Variants in RNF128 observed in about 807,000 individuals in gnomAD.
The protein encoded by RNF128 is ring finger protein 128, also known as E3 ubiquitin-protein ligase RNF128.
RNF128 carries 13 observed loss-of-function variants against 26.2 expected under a neutral mutation model. The ratio of observed to expected loss-of-function variants is 0.50; its 90% confidence interval spans 0.32 to 0.79. The LOEUF (loss-of-function observed/expected upper bound fraction) is 0.79. RNF128 is among the 30% of genes least tolerant of loss of function. The pLI is 0.03. For synonymous variants in RNF128, 149 were observed against 142.5 expected (o/e 1.05, Z -0.32); for missense variants, 315 against 349.7 (o/e 0.90, Z 0.79).
At chrX:106,775,861 C>T (rs750780462) in intron 2 of RNF128, among the ~76,000 whole-genome samples, 1 of 111,512 alleles carries the variant, frequency 9.0e-6, no homozygotes, top group Admixed American at 9.5e-5. Flanking sequence ...GAATTTCTTC[C>T]TTCTGAAGGT....
In RNF128 at chrX:106,751,557, C is replaced by T. The variant is rs186213366; in HGVS notation, c.485-21356C>T. Among the ~76,000 whole-genome samples the T allele has an allele frequency of 1.6e-3, 180 of 110,565 alleles. 2 individuals are homozygous for T. The highest frequency in any genetic ancestry group is 0.01 in the South Asian group (26 of 2,524). On this transcript the variant is annotated intron_variant, in intron 1 of 6. Coordinates refer to ENST00000255499, the MANE Select transcript of RNF128 (RefSeq NM_194463.2). ...GCTGGGCTCAGAACCAGAGGACTTG[C>T]GGTGCATATGGCCAAGAAAGCGTTT... is the stretch of plus-strand genomic sequence containing the variant.
At chrX:106,701,527 G>A (rs961070807) in intron 1 of RNF128, among the ~76,000 whole-genome samples, 1 of 111,642 alleles carries the variant, frequency 9.0e-6, no homozygotes, top group Non-Finnish European at 1.9e-5. Context: ...TAGCTTGGGA[G>A]AAATAATAAG....
At chrX:106,759,777 G>T (rs1312308542) in intron 1 of RNF128, among the ~76,000 whole-genome samples, 2 of 111,745 alleles carry the variant, frequency 1.8e-5, no homozygotes, top group African/African-American at 3.2e-5. Flanking sequence ...GTTACCAGAG[G>T]CTGGGAAGGG....
chrX:106,787,318 A>G (rs1450755261), intron 3 of RNF128, among the ~76,000 whole-genome samples: 1 of 111,650 alleles, frequency 9.0e-6, no homozygotes, highest in Non-Finnish European at 1.9e-5. Context: ...TCTCAAATGC[A>G]TTATACTAAG....
At chrX:106,734,179 C>G (rs1014380563) in intron 1 of RNF128, among the ~76,000 whole-genome samples, 1 of 111,462 alleles carries the variant, frequency 9.0e-6, no homozygotes, top group Non-Finnish European at 1.9e-5. Context: ...GATTGAGCCT[C>G]TCTTTCTTTA....
chrX:106,766,176 A>G (rs1390254215), intron 1 of RNF128, among the ~76,000 whole-genome samples: 1 of 111,921 alleles, frequency 8.9e-6, no homozygotes, highest in Non-Finnish European at 1.9e-5. Flanking sequence ...AAATAAACAT[A>G]CGTGTGCATG....
chrX:106,765,061 C>A (rs1303108448), intron 1 of RNF128, among the ~76,000 whole-genome samples: 1 of 111,559 alleles, frequency 9.0e-6, no homozygotes, highest in Non-Finnish European at 1.9e-5. Context: ...ATTTCAGACT[C>A]CTTCACTCCC....
chrX:106,772,899 G>A lies in RNF128; in HGVS notation c.485-14G>A, dbSNP rs768000642. On this transcript the variant is annotated splice_polypyrimidine_tract_variant and intron_variant, in intron 1 of 6. Transcript: ENST00000255499. ...GTTTCACCAAACTAAAACTGAATTT[G>A]TTTTATTTTACAGGTGCAGTAGACA... 10 of 1,189,630 alleles carry A rather than the reference G, an allele frequency of 8.4e-6. No individual in the cohort carries two copies. Among genetic ancestry groups the A allele is most frequent in the Non-Finnish European group, 1.1e-5 (10 of 885,871 alleles).
intron 3 of RNF128, 102 bp from the exon 4 acceptor site, chrX:106,787,816 T>C (rs1930683198): frequency 2.0e-6 from 1 of 491,795 alleles, no homozygotes; most frequent in African/African-American, 2.5e-5. Flanking sequence ...CCTCCTTTTA[T>C]AGGAATTTAG....
intron 1 of RNF128, among the ~76,000 whole-genome samples, chrX:106,746,115 C>G (rs1044195264): frequency 3.6e-5 from 4 of 110,783 alleles, no homozygotes; most frequent in African/African-American, 1.3e-4. Flanking sequence ...AAGTGCTGAC[C>G]CTATTGTATT....
At chrX:106,720,698 A>AC (rs1310649975) in intron 1 of RNF128, among the ~76,000 whole-genome samples, 5 of 111,161 alleles carry the variant, frequency 4.5e-5, no homozygotes. Flanking sequence ...AGTCATACAT[A>AC]CCCCTGTGTG....
intron 1 of RNF128, among the ~76,000 whole-genome samples, chrX:106,714,603 T>C (rs1401777345): frequency 9.0e-6 from 1 of 111,428 alleles, no homozygotes; most frequent in Non-Finnish European, 1.9e-5. Flanking sequence ...CACAATTTTA[T>C]CACATGTGTA....
chrX:106,713,237 G>T (rs1205002910), intron 1 of RNF128, among the ~76,000 whole-genome samples: 1 of 108,961 alleles, frequency 9.2e-6, no homozygotes, highest in Non-Finnish European at 1.9e-5. Context: ...AGCCGGGTGC[G>T]GTGGCTCACA....
intron 1 of RNF128, among the ~76,000 whole-genome samples, chrX:106,762,406 C>T (rs371103952): frequency 1.8e-5 from 2 of 108,894 alleles, no homozygotes; most frequent in South Asian, 4.1e-4. Flanking sequence ...ACCTCTGCCT[C>T]GGGTTCAAGC....
At chrX:106,699,994 C>G (rs1569433972) in intron 1 of RNF128, among the ~76,000 whole-genome samples, 2 of 108,464 alleles carry the variant, frequency 1.8e-5, no homozygotes, top group South Asian at 7.7e-4. Flanking sequence ...TGTATATTTT[C>G]TTTTTTAATT....
chrX:106,756,594 G>A (rs1930014514), intron 1 of RNF128, among the ~76,000 whole-genome samples: 2 of 109,276 alleles, frequency 1.8e-5, no homozygotes, highest in African/African-American at 6.8e-5. Flanking sequence ...ATTCAAGATG[G>A]ATTAAAGATT....
At chrX:106,766,026 T>C (rs1413628119) in intron 1 of RNF128, among the ~76,000 whole-genome samples, 1 of 111,056 alleles carries the variant, frequency 9.0e-6, no homozygotes, top group South Asian at 3.8e-4. Context: ...GCTTCATCCA[T>C]GTCCCTACAA....
chrX:106,713,086 G>T (rs768543781), intron 1 of RNF128, among the ~76,000 whole-genome samples: 38 of 107,899 alleles, frequency 3.5e-4, no homozygotes, highest in African/African-American at 1.2e-3. Context: ...TCACCATGTT[G>T]GCCAGGCTGG....
At chrX:106,753,256 T>C (rs1282830837) in intron 1 of RNF128, among the ~76,000 whole-genome samples, 1 of 111,265 alleles carries the variant, frequency 9.0e-6, no homozygotes, top group Non-Finnish European at 1.9e-5. Context: ...TTTGAAGACA[T>C]AGACAGTATA....
Sources: gnomAD v4.1 joint callset for allele counts (sites outside exome capture counted in the v4.1 genomes callset) on GRCh38, gnomAD v4.1.1 for gene constraint, MANE v1.5 for transcripts, NCBI Gene and HGNC (gene_info 2026-07-23, HGNC 2026-07-21) for gene names.